PTPRT: variants seen among roughly 807,000 people sequenced by gnomAD.
The protein encoded by PTPRT is protein tyrosine phosphatase receptor type T, also known as receptor-type tyrosine-protein phosphatase T.
PTPRT carries 56 observed loss-of-function variants against 176.8 expected under a neutral mutation model. That is an observed-to-expected ratio of 0.32 (90% CI 0.26 to 0.40). The LOEUF is 0.40. PTPRT is among the 10% of genes least tolerant of loss of function. The pLI, the probability that PTPRT is intolerant of heterozygous loss-of-function variation, is 1.00. For synonymous variants in PTPRT, 783 were observed against 739.0 expected (o/e 1.06, Z -0.96); for missense variants, 1,540 against 1,908.2 (o/e 0.81, Z 3.60).
At chr20:42,092,833 A>T (rs1171141071) in intron 27 of PTPRT, among the ~76,000 whole-genome samples, 1 of 152,156 alleles carries the variant, frequency 6.6e-6, no homozygotes, top group Non-Finnish European at 1.5e-5. Context: ...TCTCACTTCC[A>T]TGGGAATCCA....
At chr20:42,699,158 T>TAGGCATTGAGACACCTCACATATTTA (rs2075933952) in intron 6 of PTPRT, among the ~76,000 whole-genome samples, 1 of 152,176 alleles carries the variant, frequency 6.6e-6, no homozygotes, top group East Asian at 1.9e-4. Flanking sequence ...ACGGAATCCT[T>TAGGCATTGAGACACCTCACATATTTA]AGGCATTGAG....
intron 9 of PTPRT, among the ~76,000 whole-genome samples, chr20:42,396,234 C>T (rs980811401): frequency 6.6e-6 from 1 of 152,024 alleles, no homozygotes; most frequent in African/African-American, 2.4e-5. Context: ...TTTTTGATTC[C>T]TCTCTTTCTT....
At chr20:42,164,900 C>A (rs1193726970) in intron 16 of PTPRT, among the ~76,000 whole-genome samples, 2 of 152,176 alleles carry the variant, frequency 1.3e-5, no homozygotes, top group African/African-American at 4.8e-5. Context: ...CCCCTTAATT[C>A]TCATGCCTTC....
chr20:43,074,847 A>G (rs2011233945), intron 1 of PTPRT, among the ~76,000 whole-genome samples: 1 of 152,214 alleles, frequency 6.6e-6, no homozygotes, highest in Non-Finnish European at 1.5e-5. Context: ...AAGGATATCG[A>G]TCTTCCTTTT....
intron 11 of PTPRT, among the ~76,000 whole-genome samples, chr20:42,335,086 G>C (rs866920162): frequency 1.3e-5 from 2 of 152,180 alleles, no homozygotes; most frequent in African/African-American, 4.8e-5. Flanking sequence ...AAATTGCAAA[G>C]ACATGTGAGT....
chr20:42,350,571 G>A, intron 11 of PTPRT, 57 bp downstream of exon 11: 3 of 1,340,570 alleles, frequency 2.2e-6, no homozygotes, highest in Non-Finnish European at 3.2e-6. Flanking sequence ...TTCAACTGGA[G>A]GCCCATGTGG....
At chr20:42,160,544 G>T (rs1277392283) in intron 17 of PTPRT, among the ~76,000 whole-genome samples, 2 of 152,028 alleles carry the variant, frequency 1.3e-5, no homozygotes, top group East Asian at 3.9e-4. Flanking sequence ...GGTGGAGGAA[G>T]TTTTGAAGAC....
At chr20:42,563,155 GA>G (rs1314475215) in intron 7 of PTPRT, among the ~76,000 whole-genome samples, 2 of 151,752 alleles carry the variant, frequency 1.3e-5, no homozygotes, top group African/African-American at 2.4e-5. Flanking sequence ...CTAATGTGTC[GA>G]AAAACACATA....
chr20:42,791,544 T>A (rs770310969), intron 2 of PTPRT, 78 bp from the exon 3 acceptor site: 1 of 1,447,984 alleles, frequency 6.9e-7, no homozygotes. Flanking sequence ...GTCACACCCA[T>A]AAACATGGTG....
At chr20:43,016,922 C>T (rs1174959152) in intron 1 of PTPRT, among the ~76,000 whole-genome samples, 1 of 152,096 alleles carries the variant, frequency 6.6e-6, no homozygotes, top group Non-Finnish European at 1.5e-5. Flanking sequence ...ACTGGGTATT[C>T]CCCCATCTCT....
Position 42,106,755 on chromosome 20 carries a change from T to C in PTPRT, c.3390+31A>G. Reference sequence around the variant, plus strand: ...GTTTCTCCTTGGTCAGGGCTACAGGTGGCCAACTGTCTTGGCCCCCTAGGA... The same window carrying C: ...GTTTCTCCTTGGTCAGGGCTACAGGCGGCCAACTGTCTTGGCCCCCTAGGA... On this transcript the variant is annotated intron_variant, in intron 24 of 30. Coordinates refer to ENST00000373187, the MANE Select transcript of PTPRT (RefSeq NM_007050.6). 2.5e-6 allele frequency: 4 copies of C among 1,606,052 alleles called. No individual in the cohort carries two copies. In the Middle Eastern group the frequency reaches 6.6e-4, roughly 266 times the overall value.
intron 1 of PTPRT, among the ~76,000 whole-genome samples, chr20:43,084,695 A>G (rs2011557807): frequency 6.6e-6 from 1 of 152,218 alleles, no homozygotes; most frequent in Non-Finnish European, 1.5e-5. Context: ...CATCCATTCT[A>G]GTGGGTGCAC....
At chr20:42,554,687 G>A (rs1192044467) in intron 7 of PTPRT, among the ~76,000 whole-genome samples, 1 of 152,190 alleles carries the variant, frequency 6.6e-6, no homozygotes, top group African/African-American at 2.4e-5. Flanking sequence ...CCGAGGCAAT[G>A]ATGGAAATCA....
intron 1 of PTPRT, among the ~76,000 whole-genome samples, chr20:43,137,631 C>A (rs1397386511): frequency 6.6e-6 from 1 of 152,170 alleles, no homozygotes; most frequent in East Asian, 1.9e-4. Context: ...ATGGGAAGAT[C>A]CTCTGGGGCG....
intron 9 of PTPRT, among the ~76,000 whole-genome samples, chr20:42,369,401 G>T (rs888954415): frequency 6.6e-6 from 1 of 152,184 alleles, no homozygotes; most frequent in Non-Finnish European, 1.5e-5. Flanking sequence ...CCAAATCTGG[G>T]TGCATCTGGA....
intron 17 of PTPRT, among the ~76,000 whole-genome samples, chr20:42,143,051 A>G (rs933885106): frequency 6.6e-6 from 1 of 152,204 alleles, no homozygotes; most frequent in African/African-American, 2.4e-5. Flanking sequence ...TAGTGATGGA[A>G]GTATCTAGAG....
chr20:43,016,767 C>T (rs1862874811), intron 1 of PTPRT, among the ~76,000 whole-genome samples: 2 of 151,872 alleles, frequency 1.3e-5, no homozygotes, highest in African/African-American at 4.8e-5. Flanking sequence ...CCAACTCTGA[C>T]TTCAAGTGAT....
intron 1 of PTPRT, among the ~76,000 whole-genome samples, chr20:43,114,955 G>A (rs1255317159): frequency 6.6e-6 from 1 of 152,098 alleles, no homozygotes. Context: ...GTTATAAATA[G>A]TATTAATAAT....
intron 2 of PTPRT, among the ~76,000 whole-genome samples, chr20:42,795,873 T>G (rs1052896956): frequency 3.9e-5 from 6 of 152,214 alleles, no homozygotes; most frequent in Non-Finnish European, 7.3e-5. Flanking sequence ...TCAGTGAATA[T>G]TAAGTAAAAA....
Sources: allele counts gnomAD v4.1 joint callset (sites outside exome capture counted in the v4.1 genomes callset), GRCh38; gene constraint gnomAD v4.1.1; transcripts MANE v1.5; gene names NCBI Gene and HGNC (gene_info 2026-07-23, HGNC 2026-07-21).